WWOX: variants seen among roughly 807,000 people sequenced by gnomAD.
WWOX encodes the protein WW domain-containing oxidoreductase.
Under a neutral mutation model 46.2 loss-of-function variants are expected in WWOX, and 69 were observed. The ratio of observed to expected loss-of-function variants is 1.49; its 90% CI spans 1.23 to 1.82. WWOX has a LOEUF of 1.82. WWOX is among the 40% of genes most tolerant of loss of function. The pLI is 0.00. For synonymous variants in WWOX, 359 were observed against 202.6 expected (o/e 1.77, Z -6.56); for missense variants, 919 against 542.6 (o/e 1.69, Z -6.89).
At chr16:79,166,560 T>C (rs570858000) in intron 8 of WWOX, among the ~76,000 whole-genome samples, 1 of 152,266 alleles carries the variant, frequency 6.6e-6, no homozygotes, top group East Asian at 1.9e-4. Flanking sequence ...AATTGTTAGG[T>C]AGCTAACAAT....
At chr16:78,712,789 C>T (rs868072182) in intron 8 of WWOX, among the ~76,000 whole-genome samples, 13 of 152,100 alleles carry the variant, frequency 8.5e-5, no homozygotes, top group Admixed American at 2.0e-4. Context: ...TAAAATAATG[C>T]GGAAAAAACT....
intron 8 of WWOX, among the ~76,000 whole-genome samples, chr16:78,573,588 C>G (rs1418786478): frequency 1.3e-5 from 2 of 152,194 alleles, no homozygotes; most frequent in East Asian, 3.9e-4. Context: ...TAATGCTCAG[C>G]TTGTCATTCC....
At chr16:78,154,391 A>C (rs1437692904) in intron 4 of WWOX, among the ~76,000 whole-genome samples, 2 of 151,802 alleles carry the variant, frequency 1.3e-5, no homozygotes, top group Non-Finnish European at 1.5e-5. Flanking sequence ...CGCTGCCTAC[A>C]GAGGAGTCCC....
intron 4 of WWOX, among the ~76,000 whole-genome samples, chr16:78,138,965 C>T (rs1567593430): frequency 6.6e-6 from 1 of 152,158 alleles, no homozygotes; most frequent in African/African-American, 2.4e-5. Flanking sequence ...TGCAGACAAC[C>T]CGTTTATACC....
At chr16:79,137,070 G>A (rs72797414) in intron 8 of WWOX, among the ~76,000 whole-genome samples, 29,311 of 152,080 alleles carry the variant, frequency 0.19, 3,511 homozygotes, top group African/African-American at 0.33. Flanking sequence ...CCCTCCATCT[G>A]CCAGCTAATT....
At chr16:78,756,344 G>T (rs1034643087) in intron 8 of WWOX, among the ~76,000 whole-genome samples, 1 of 152,060 alleles carries the variant, frequency 6.6e-6, no homozygotes. Context: ...TCAATAAAAT[G>T]AGCAGCTTTG....
chr16:78,783,065 G>C (rs1018147359), intron 8 of WWOX, among the ~76,000 whole-genome samples: 5 of 152,182 alleles, frequency 3.3e-5, no homozygotes, highest in African/African-American at 1.2e-4. Flanking sequence ...AATATGGAAA[G>C]CATCAGCAAT....
intron 8 of WWOX, among the ~76,000 whole-genome samples, chr16:78,454,913 G>C (rs182898947): frequency 6.6e-6 from 1 of 152,162 alleles, no homozygotes; most frequent in Non-Finnish European, 1.5e-5. Flanking sequence ...TCTGTTCTTT[G>C]GCAGTCACTG....
At chr16:78,760,748 C>T (rs2049771792) in intron 8 of WWOX, among the ~76,000 whole-genome samples, 1 of 152,276 alleles carries the variant, frequency 6.6e-6, no homozygotes, top group East Asian at 1.9e-4. Flanking sequence ...ACCTCTCATG[C>T]CTGGAGAGCA....
At chr16:78,536,202 G>A (rs758793871) in intron 8 of WWOX, among the ~76,000 whole-genome samples, 2 of 152,030 alleles carry the variant, frequency 1.3e-5, no homozygotes, top group Non-Finnish European at 2.9e-5. Context: ...GGTGTAATTT[G>A]GTGCCATTCT....
In WWOX at chr16:78,328,580, C is replaced by T. The variant is rs1004533165; in HGVS notation, c.517-58280C>T. ...CAAGTATTTATTGTAGGCCTGTATT[C>T]AAAGGAGAATAAGATAAATAAGATC... is the stretch of plus-strand genomic sequence containing the variant. On this transcript the variant is annotated intron_variant, in intron 5 of 8. Coordinates refer to ENST00000566780, the MANE Select transcript of WWOX (RefSeq NM_016373.4). Among the ~76,000 whole-genome samples the T allele has an allele frequency of 3.9e-5, 6 of 152,170 alleles. No individual in the cohort carries two copies. The South Asian group carries it at 1.2e-3, about 32-fold the overall frequency.
At chr16:78,818,538 C>T (rs141656386) in intron 8 of WWOX, among the ~76,000 whole-genome samples, 2 of 152,320 alleles carry the variant, frequency 1.3e-5, no homozygotes, top group African/African-American at 4.8e-5. Context: ...TGAGATCAGT[C>T]TGGCCAACAC....
At chr16:78,938,859 C>G (rs1321697926) in intron 8 of WWOX, among the ~76,000 whole-genome samples, 3 of 152,134 alleles carry the variant, frequency 2.0e-5, no homozygotes, top group South Asian at 2.1e-4. Context: ...TTTAAGGAAA[C>G]TGAAGGCTGA....
intron 5 of WWOX, among the ~76,000 whole-genome samples, chr16:78,359,054 G>A (rs2081356243): frequency 6.6e-6 from 1 of 151,952 alleles, no homozygotes; most frequent in Non-Finnish European, 1.5e-5. Flanking sequence ...GTTTACCTGG[G>A]CTAAATAAGA....
chr16:78,419,579 G>C (rs149488895), intron 6 of WWOX, among the ~76,000 whole-genome samples: 1,155 of 97,020 alleles, frequency 0.012, 11 homozygotes, highest in South Asian at 0.027. Context: ...CCATGCAAAA[G>C]AATGAGATTA....
intron 6 of WWOX, among the ~76,000 whole-genome samples, chr16:78,393,074 G>A (rs978713918): frequency 1.3e-5 from 2 of 152,110 alleles, no homozygotes; most frequent in African/African-American, 4.8e-5. Context: ...GCTTGTGAGG[G>A]ATATTTTTGT....
At chr16:78,256,154 A>C (rs1392719204) in intron 5 of WWOX, among the ~76,000 whole-genome samples, 6 of 143,660 alleles carry the variant, frequency 4.2e-5, no homozygotes, top group Non-Finnish European at 1.5e-5. Context: ...CATCTCAAAA[A>C]AAAAAAAAAA....
At chr16:78,993,035 T>C (rs1481454782) in intron 8 of WWOX, among the ~76,000 whole-genome samples, 1 of 152,210 alleles carries the variant, frequency 6.6e-6, no homozygotes, top group Non-Finnish European at 1.5e-5. Context: ...TTAGGCTTTT[T>C]TTCATATATA....
chr16:78,630,806 T>G (rs1414427361), intron 8 of WWOX, among the ~76,000 whole-genome samples: 1 of 152,186 alleles, frequency 6.6e-6, no homozygotes, highest in African/African-American at 2.4e-5. Context: ...TAAGACATAG[T>G]TGGGACCAGA....
Sources: gnomAD v4.1 joint callset for allele counts (sites outside exome capture counted in the v4.1 genomes callset) on GRCh38, gnomAD v4.1.1 for gene constraint, MANE v1.5 for transcripts, NCBI Gene and HGNC (gene_info 2026-07-23, HGNC 2026-07-21) for gene names.